Variants in CNIH3 observed in about 807,000 individuals in gnomAD.
CNIH3 encodes protein cornichon homolog 3.
Under a neutral mutation model 24.1 loss-of-function variants are expected in CNIH3, and 14 were observed. That is an observed-to-expected ratio of 0.58 (90% CI 0.38 to 0.91). The LOEUF is 0.91. Among genes scored for constraint, CNIH3 ranks in the 40% least tolerant of loss-of-function variants. CNIH3 has a pLI of 0.00. For missense variants in CNIH3, 178 were observed against 196.8 expected (o/e 0.90, Z 0.57); for synonymous variants, 68 against 73.8 (o/e 0.92, Z 0.40).
intron 2 of CNIH3, among the ~76,000 whole-genome samples, chr1:224,526,372 G>A (rs1678846984): frequency 6.6e-6 from 1 of 152,152 alleles, no homozygotes; most frequent in Non-Finnish European, 1.5e-5. Context: ...CCTCGTAAAA[G>A]ACTGAAGGGA....
chr1:224,466,213 A>G (rs1676147049), intron 1 of CNIH3, among the ~76,000 whole-genome samples: 1 of 152,076 alleles, frequency 6.6e-6, no homozygotes, highest in Non-Finnish European at 1.5e-5. Context: ...CCATTTCATC[A>G]CCATAAGCCT....
intron 5 of CNIH3, among the ~76,000 whole-genome samples, chr1:224,586,091 G>C (rs1370849792): frequency 6.6e-6 from 1 of 152,196 alleles, no homozygotes; most frequent in Non-Finnish European, 1.5e-5. Context: ...GGGACTGAGA[G>C]GGAAGTTTTC....
chr1:224,565,193 GTA>G (rs1680530850), intron 3 of CNIH3, among the ~76,000 whole-genome samples: 2 of 152,288 alleles, frequency 1.3e-5, no homozygotes, highest in South Asian at 4.1e-4. Context: ...CTGAGTGTGT[GTA>G]TGTCTCTGTC....
intron 1 of CNIH3, among the ~76,000 whole-genome samples, chr1:224,677,306 C>T (rs748425836): frequency 4.6e-5 from 7 of 152,130 alleles, no homozygotes; most frequent in South Asian, 2.1e-4. Context: ...AGCACAGTGG[C>T]CTGTCTACAT....
At chr1:224,446,417 T>G (rs1675168276) in intron 1 of CNIH3, among the ~76,000 whole-genome samples, 1 of 152,218 alleles carries the variant, frequency 6.6e-6, no homozygotes, top group Non-Finnish European at 1.5e-5. Context: ...TTTCTCTACT[T>G]ACATAGTTCT....
intron 3 of CNIH3, among the ~76,000 whole-genome samples, chr1:224,723,073 G>A (rs1688819191): frequency 6.6e-6 from 1 of 152,182 alleles, no homozygotes; most frequent in East Asian, 1.9e-4. Context: ...GGGGCTAGAG[G>A]TGCCTGAGCT....
chr1:224,611,682 T>A (rs1682707324), upstream of CNIH3: 1 of 152,160 alleles, frequency 6.6e-6, no homozygotes, highest in Non-Finnish European at 1.5e-5. Context: ...GGGAAAAAAA[T>A]CAAGTAATTG....
chr1:224,511,022 T>G (rs189411348), upstream of CNIH3, among the ~76,000 whole-genome samples: 58 of 152,328 alleles, frequency 3.8e-4, no homozygotes, highest in Admixed American at 1.4e-3. Context: ...GATCTCTGTT[T>G]ATGCATTGTA....
intron 3 of CNIH3, among the ~76,000 whole-genome samples, chr1:224,714,786 A>G (rs1179354445): frequency 6.6e-6 from 1 of 152,216 alleles, no homozygotes; most frequent in African/African-American, 2.4e-5. Flanking sequence ...GCTAGGACCC[A>G]TGACAGCCAC....
chr1:224,466,583 C>T (rs574895292), intron 1 of CNIH3, among the ~76,000 whole-genome samples: 1 of 152,102 alleles, frequency 6.6e-6, no homozygotes, highest in Non-Finnish European at 1.5e-5. Context: ...GATTGCAGAG[C>T]GCATATAGGT....
intron 2 of CNIH3, among the ~76,000 whole-genome samples, chr1:224,533,271 G>T (rs1335266651): frequency 6.6e-6 from 1 of 151,734 alleles, no homozygotes; most frequent in Non-Finnish European, 1.5e-5. Flanking sequence ...AATAAAATTG[G>T]CTGAGAGTAG....
intron 1 of CNIH3, among the ~76,000 whole-genome samples, chr1:224,621,005 T>C (rs1683254176): frequency 6.6e-6 from 1 of 152,274 alleles, no homozygotes; most frequent in Non-Finnish European, 1.5e-5. Context: ...CTCATTTATA[T>C]AAACACAGAT....
At chr1:224,581,968 G>C (rs550854276) in intron 4 of CNIH3, among the ~76,000 whole-genome samples, 2 of 152,164 alleles carry the variant, frequency 1.3e-5, no homozygotes, top group African/African-American at 4.8e-5. Flanking sequence ...CTGAGTGTGC[G>C]TGAGGTTGTA....
At chr1:224,635,011 A>G (rs1483607703) in intron 1 of CNIH3, among the ~76,000 whole-genome samples, 2 of 152,240 alleles carry the variant, frequency 1.3e-5, no homozygotes, top group Admixed American at 1.3e-4. Flanking sequence ...TCACACTGCT[A>G]TAAAGAACTA....
chr1:224,642,949 G>A (rs1684430265), intron 1 of CNIH3, among the ~76,000 whole-genome samples: 1 of 152,194 alleles, frequency 6.6e-6, no homozygotes. Flanking sequence ...AGCTCTAAAG[G>A]AGAGTGCATT....
chr1:224,518,174 A>G (rs1050495832), intron 1 of CNIH3, among the ~76,000 whole-genome samples: 7 of 152,322 alleles, frequency 4.6e-5, no homozygotes, highest in Admixed American at 4.6e-4. Flanking sequence ...GTGGCCACAG[A>G]CTGCAGCGAT....
chr1:224,696,005 A>T (rs1687160925), intron 3 of CNIH3, among the ~76,000 whole-genome samples: 2 of 152,154 alleles, frequency 1.3e-5, no homozygotes, highest in African/African-American at 4.8e-5. Flanking sequence ...AGGAAAGCGT[A>T]TTGGGATATG....
chr1:224,520,278 C>T (rs1184120392), intron 1 of CNIH3, among the ~76,000 whole-genome samples: 1 of 152,184 alleles, frequency 6.6e-6, no homozygotes, highest in Non-Finnish European at 1.5e-5. Flanking sequence ...AAGGCTTGAG[C>T]ACAACACATT....
intron 1 of CNIH3, among the ~76,000 whole-genome samples, chr1:224,626,085 T>C (rs548882831): frequency 2.6e-5 from 4 of 152,218 alleles, no homozygotes; most frequent in African/African-American, 4.8e-5. Context: ...CTGAGTTGCT[T>C]CTTCTTCTAG....
Sources: gnomAD v4.1 joint callset for allele counts (sites outside exome capture counted in the v4.1 genomes callset) on GRCh38, gnomAD v4.1.1 for gene constraint, MANE v1.5 for transcripts, NCBI Gene and HGNC (gene_info 2026-07-23, HGNC 2026-07-21) for gene names.